LRPPRC: variants seen among roughly 807,000 people sequenced by gnomAD.
LRPPRC encodes leucine rich pentatricopeptide repeat containing.
Under a neutral mutation model 180.3 loss-of-function variants are expected in LRPPRC, and 120 were observed. That is an observed-to-expected ratio of 0.67 (90% CI 0.57 to 0.77). The LOEUF (loss-of-function observed/expected upper bound fraction) is 0.77, where lower values mean the gene tolerates loss of function less well. Ranked by LOEUF, LRPPRC falls within the 30% of genes least tolerant of loss-of-function variation. The pLI is 0.00. For missense variants in LRPPRC, 2,012 were observed against 1,657.2 expected (o/e 1.21, Z -3.72); for synonymous variants, 723 against 600.0 (o/e 1.21, Z -3.00).
chr2:43,982,171 G>T, intron 2 of LRPPRC, 67 bp downstream of exon 2: 1 of 1,128,266 alleles, frequency 8.9e-7, no homozygotes, highest in Non-Finnish European at 1.3e-6. Context: ...CAAAGTGCTG[G>T]GATTACAGGC....
Position 43,931,013 on chromosome 2 carries a change from C to G in LRPPRC, c.2736+3177G>C, listed in dbSNP as rs77184845. Among the ~76,000 whole-genome samples the G allele has an allele frequency of 1.7e-3, 260 of 151,876 alleles. 6 individuals carry two copies. In the East Asian group the frequency reaches 0.043, roughly 25 times the overall value. ...TTTTGGGTTACTCATTCTTTTTTTT[C>G]CAAGACCAGACATTAAATCCAGGGA... On this transcript the variant is annotated intron_variant, in intron 25 of 37. Coordinates refer to ENST00000260665, the MANE Select transcript of LRPPRC (RefSeq NM_133259.4).
At chr2:43,899,094 T>C in intron 34 of LRPPRC, 125 bp downstream of exon 34, 1 of 723,822 alleles carries the variant, frequency 1.4e-6, no homozygotes, top group South Asian at 1.5e-5. Context: ...ACACTGAATG[T>C]AAACAAGCTA....
chr2:43,973,745 C>T (rs1431779321), intron 10 of LRPPRC, 31 bp from the exon 11 acceptor site: 14 of 1,602,502 alleles, frequency 8.7e-6, no homozygotes, highest in Non-Finnish European at 1.0e-5. Flanking sequence ...GATCACAAAG[C>T]TACCTCAGCA....
intron 25 of LRPPRC, among the ~76,000 whole-genome samples, chr2:43,930,289 G>A (rs1192873783): frequency 2.6e-5 from 4 of 152,026 alleles, no homozygotes; most frequent in South Asian, 4.2e-4. Context: ...AGTTATTTTC[G>A]ACAGTTCAGA....
intron 1 of LRPPRC, 76 bp from the exon 2 acceptor site, chr2:43,982,510 T>A (rs1674358154): frequency 4.4e-6 from 5 of 1,130,484 alleles, no homozygotes; most frequent in Non-Finnish European, 5.3e-6. Flanking sequence ...CTTAAACAAA[T>A]TTTAAAATTA....
At chr2:43,903,483 TAAG>T (rs1670959001) in intron 31 of LRPPRC, 1 of 146,694 alleles carries the variant, frequency 6.8e-6, no homozygotes, top group African/African-American at 2.5e-5. Context: ...TGGAGCAAAA[TAAG>T]AAGATGGGAA....
intron 1 of LRPPRC, among the ~76,000 whole-genome samples, chr2:43,982,660 T>C (rs956264911): frequency 2.0e-5 from 3 of 152,198 alleles, no homozygotes; most frequent in Non-Finnish European, 4.4e-5. Context: ...TCCTGAATAA[T>C]TGACAACATC....
intron 31 of LRPPRC, chr2:43,904,363 AAAC>A (rs1307148099): frequency 1.3e-5 from 2 of 152,230 alleles, no homozygotes; most frequent in Admixed American, 6.5e-5. Context: ...CTGCACAATT[AAAC>A]AACAACTTCC....
In LRPPRC at chr2:43,888,085, C is replaced by T. The variant is rs1409003253; in HGVS notation, c.*515G>A. On this transcript the variant is annotated 3_prime_UTR_variant, in exon 38 of 38. Transcript: ENST00000260665. ...ACAGGCCCTTTGGGTCTCTGCTTCT[C>T]ACTGGAAAATGATGAAGCCTAGATC... is the stretch of plus-strand genomic sequence containing the variant. The T allele has an allele frequency of 6.2e-6, 1 of 160,014 alleles. No homozygotes were observed. Among genetic ancestry groups the T allele is most frequent in the Non-Finnish European group, 1.4e-5 (1 of 73,108 alleles). 9.9% of individuals were successfully genotyped at this position (160,014 alleles called of 1,614,324 possible).
At chr2:43,918,825 A>C (rs1324213104) in intron 27 of LRPPRC, among the ~76,000 whole-genome samples, 3 of 146,948 alleles carry the variant, frequency 2.0e-5, no homozygotes, top group Non-Finnish European at 4.5e-5. Flanking sequence ...ATATATATCT[A>C]TATATAGATA....
intron 11 of LRPPRC, among the ~76,000 whole-genome samples, chr2:43,967,467 GAATA>G (rs373027204): frequency 1.3e-5 from 2 of 152,186 alleles, no homozygotes; most frequent in Non-Finnish European, 2.9e-5. Flanking sequence ...TGGCTGGGAA[GAATA>G]AATAAATAAC....
chr2:43,944,585 A>G (rs1266552001), intron 22 of LRPPRC, among the ~76,000 whole-genome samples: 1 of 152,152 alleles, frequency 6.6e-6, no homozygotes, highest in Non-Finnish European at 1.5e-5. Context: ...AAAACATTCA[A>G]TGTTCTAATA....
intron 30 of LRPPRC, among the ~76,000 whole-genome samples, chr2:43,910,613 C>T (rs991654089): frequency 2.0e-4 from 30 of 152,120 alleles, no homozygotes; most frequent in African/African-American, 7.0e-4. Context: ...ACATGTGATA[C>T]ATCAAGTACA....
At chr2:43,979,484 A>T (rs374256450) in intron 3 of LRPPRC, among the ~76,000 whole-genome samples, 4 of 152,340 alleles carry the variant, frequency 2.6e-5, no homozygotes, top group South Asian at 2.1e-4. Flanking sequence ...AATGAAGAAT[A>T]TCCTTTTGCA....
At chr2:43,984,230 A>G (rs1035598405) in intron 1 of LRPPRC, among the ~76,000 whole-genome samples, 3 of 152,186 alleles carry the variant, frequency 2.0e-5, no homozygotes, top group South Asian at 2.1e-4. Flanking sequence ...GGAGTATGCA[A>G]TAATATTAGT....
intron 23 of LRPPRC, among the ~76,000 whole-genome samples, chr2:43,939,653 A>T (rs955739566): frequency 6.6e-6 from 1 of 152,216 alleles, no homozygotes; most frequent in Non-Finnish European, 1.5e-5. Flanking sequence ...GAAAGAGCTA[A>T]ATGTTTTTTT....
At chr2:43,977,326 T>C in intron 3 of LRPPRC, 50 bp from the exon 4 acceptor site, 1 of 1,418,692 alleles carries the variant, frequency 7.0e-7, no homozygotes, top group South Asian at 1.2e-5. Flanking sequence ...GAAAATCCTA[T>C]GCTTTAAAGT....
At chr2:43,917,247 G>C (rs1484244317) in intron 29 of LRPPRC, among the ~76,000 whole-genome samples, 1 of 151,658 alleles carries the variant, frequency 6.6e-6, no homozygotes, top group East Asian at 2.0e-4. Flanking sequence ...CACCATGTTG[G>C]CCAGGATGGT....
intron 23 of LRPPRC, among the ~76,000 whole-genome samples, chr2:43,936,590 A>G (rs1016061042): frequency 6.6e-6 from 1 of 152,192 alleles, no homozygotes; most frequent in Non-Finnish European, 1.5e-5. Context: ...TTACTATTTT[A>G]TCAAGATCTG....
Sources: gnomAD v4.1 joint callset for allele counts (sites outside exome capture counted in the v4.1 genomes callset) on GRCh38, gnomAD v4.1.1 for gene constraint, MANE v1.5 for transcripts, NCBI Gene and HGNC (gene_info 2026-07-23, HGNC 2026-07-21) for gene names.